Variants in FRMD4A observed in about 807,000 individuals in gnomAD.
FRMD4A encodes FERM domain containing 4A, also known as FERM domain-containing protein 4A.
A neutral mutation model predicts 129.1 loss-of-function variants in FRMD4A; 29 were observed. The observed-to-expected ratio is 0.22, with a 90% confidence interval of 0.17 to 0.31. FRMD4A has a LOEUF of 0.31. Ranked by LOEUF, FRMD4A falls within the 10% of genes least tolerant of loss-of-function variation. FRMD4A has a pLI of 1.00. For synonymous variants in FRMD4A, 634 were observed against 571.6 expected (o/e 1.11, Z -1.56); for missense variants, 1,272 against 1,375.8 (o/e 0.92, Z 1.19).
chr10:13,892,021 G>T (rs2094704912), intron 2 of FRMD4A, among the ~76,000 whole-genome samples: 1 of 139,604 alleles, frequency 7.2e-6, no homozygotes, highest in Non-Finnish European at 1.6e-5. Context: ...AACAATGCGC[G>T]CCCCCGCCCC....
chr10:14,052,107 T>A (rs1834289457), intron 2 of FRMD4A, among the ~76,000 whole-genome samples: 1 of 152,208 alleles, frequency 6.6e-6, no homozygotes, highest in Admixed American at 6.5e-5. Context: ...CAGTGAAGTG[T>A]CTACAAGCCA....
intron 2 of FRMD4A, among the ~76,000 whole-genome samples, chr10:14,030,538 G>A (rs548933094): frequency 6.6e-6 from 1 of 152,346 alleles, no homozygotes; most frequent in South Asian, 2.1e-4. Flanking sequence ...TACAAAGAGA[G>A]AGGATTTTAA....
chr10:13,908,164 T>TG (rs2094902267), intron 2 of FRMD4A, among the ~76,000 whole-genome samples: 1 of 41,086 alleles, frequency 2.4e-5, no homozygotes, highest in African/African-American at 8.8e-5. Flanking sequence ...AAACTCCATC[T>TG]AAAAAAAAAA....
intron 2 of FRMD4A, among the ~76,000 whole-genome samples, chr10:14,235,245 G>A (rs1187263573): frequency 2.1e-5 from 3 of 144,378 alleles, no homozygotes; most frequent in African/African-American, 7.6e-5. Context: ...CGCCTCCCGG[G>A]TTCACGCCAT....
At chr10:14,125,859 AAAAAC>A (rs367839250) in intron 2 of FRMD4A, among the ~76,000 whole-genome samples, 3 of 150,032 alleles carry the variant, frequency 2.0e-5, no homozygotes, top group East Asian at 1.9e-4. Flanking sequence ...GAATGTGATT[AAAAAC>A]AAAACAAAAC....
chr10:13,929,069 AT>A (rs1341987544), intron 2 of FRMD4A, among the ~76,000 whole-genome samples: 1 of 152,042 alleles, frequency 6.6e-6, no homozygotes, highest in East Asian at 1.9e-4. Flanking sequence ...CTCATGTTTT[AT>A]TTCCTTATTA....
At chr10:14,169,457 A>C (rs1841362922) in intron 2 of FRMD4A, among the ~76,000 whole-genome samples, 1 of 152,174 alleles carries the variant, frequency 6.6e-6, no homozygotes, top group Non-Finnish European at 1.5e-5. Context: ...CCTATGGTGG[A>C]TAAGCCCTGG....
chr10:14,285,316 G>A lies in FRMD4A; in HGVS notation c.45+44742C>T, dbSNP rs537441394. 3.9e-5 allele frequency among the ~76,000 whole-genome samples: 6 copies of A among 152,206 alleles called. No individual in the cohort carries two copies. In the South Asian group the frequency reaches 6.2e-4, roughly 16 times the overall value. On this transcript the variant is annotated intron_variant, in intron 2 of 24. Transcript: ENST00000357447. ...AGCCCTGTCTAGGATTCCTAGTTGA[G>A]CTGGGGCTACAGGTATCAGCTTGTA...
At chr10:14,057,545 C>G (rs1325102701) in intron 2 of FRMD4A, among the ~76,000 whole-genome samples, 1 of 150,826 alleles carries the variant, frequency 6.6e-6, no homozygotes, top group African/African-American at 2.4e-5. Context: ...AAAGGCCTCC[C>G]TTCCTATCTA....
rs1841882207 is a variant in FRMD4A at position 14,180,599 on chromosome 10, C to G, written c.45+149459G>C. ...GCCTACATCAGCAAAACTCTACAGTCTTCTGAAAAACCAATGCCTATTACT... is the reference window on the plus strand; with the variant it reads ...GCCTACATCAGCAAAACTCTACAGTGTTCTGAAAAACCAATGCCTATTACT... On this transcript the variant is annotated intron_variant, in intron 2 of 24. Coordinates refer to ENST00000357447, the MANE Select transcript of FRMD4A (RefSeq NM_018027.5). Among the ~76,000 whole-genome samples, 2 of 152,196 alleles carry G rather than the reference C, an allele frequency of 1.3e-5. 1 individual carries two copies. The highest frequency in any genetic ancestry group is 4.1e-4 in the South Asian group (2 of 4,828).
intron 2 of FRMD4A, among the ~76,000 whole-genome samples, chr10:14,209,303 T>C (rs1366791222): frequency 2.6e-5 from 4 of 152,154 alleles, no homozygotes; most frequent in Non-Finnish European, 5.9e-5. Context: ...CTGTGGCAGA[T>C]TGCATAGGCT....
At chr10:14,026,208 A>G (rs938509472) in intron 2 of FRMD4A, among the ~76,000 whole-genome samples, 1 of 152,204 alleles carries the variant, frequency 6.6e-6, no homozygotes, top group African/African-American at 2.4e-5. Context: ...CTCCCTGCAT[A>G]TCAGAGCTCT....
At chr10:14,151,105 C>G (rs1310937269) in intron 2 of FRMD4A, among the ~76,000 whole-genome samples, 1 of 152,194 alleles carries the variant, frequency 6.6e-6, no homozygotes, top group Non-Finnish European at 1.5e-5. Flanking sequence ...TTACTGATCC[C>G]TCCTGAGTCT....
intron 2 of FRMD4A, among the ~76,000 whole-genome samples, chr10:14,295,802 T>C (rs1845989820): frequency 6.6e-6 from 1 of 152,212 alleles, no homozygotes; most frequent in Admixed American, 6.5e-5. Context: ...AAAGCCTCTG[T>C]ATATACTAAC....
intron 2 of FRMD4A, among the ~76,000 whole-genome samples, chr10:14,294,175 T>C (rs982359784): frequency 5.3e-5 from 8 of 152,194 alleles, no homozygotes; most frequent in Admixed American, 1.3e-4. Context: ...GGTAGTTATA[T>C]TGATGTTTAT....
intron 2 of FRMD4A, among the ~76,000 whole-genome samples, chr10:14,152,890 G>A (rs896167979): frequency 1.3e-5 from 2 of 152,128 alleles, no homozygotes; most frequent in East Asian, 1.9e-4. Flanking sequence ...GCTGGGAAGA[G>A]GGGGAACCCA....
intron 2 of FRMD4A, among the ~76,000 whole-genome samples, chr10:13,891,377 A>G (rs2094694280): frequency 1.3e-5 from 2 of 152,156 alleles, no homozygotes; most frequent in Non-Finnish European, 1.5e-5. Context: ...ACAGCGTGGG[A>G]CTGAGGTGCC....
At chr10:14,316,927 A>G (rs1223106150) in intron 2 of FRMD4A, among the ~76,000 whole-genome samples, 2 of 152,142 alleles carry the variant, frequency 1.3e-5, no homozygotes, top group African/African-American at 4.8e-5. Flanking sequence ...GAGAGTCAAT[A>G]TGCACCATCC....
intron 3 of FRMD4A, among the ~76,000 whole-genome samples, chr10:13,843,632 G>C (rs1402637281): frequency 1.3e-5 from 2 of 152,144 alleles, no homozygotes; most frequent in Non-Finnish European, 2.9e-5. Flanking sequence ...TGAGTGGCTG[G>C]AATTAGAGGC....
Sources: gnomAD v4.1 joint callset for allele counts (sites outside exome capture counted in the v4.1 genomes callset) on GRCh38, gnomAD v4.1.1 for gene constraint, MANE v1.5 for transcripts, NCBI Gene and HGNC (gene_info 2026-07-23, HGNC 2026-07-21) for gene names.